Variants in MYCBP2 observed in about 807,000 individuals in gnomAD.
MYCBP2 encodes the protein MYC binding protein 2, also known as E3 ubiquitin-protein ligase MYCBP2.
Under a neutral mutation model 525.3 loss-of-function variants are expected in MYCBP2, and 120 were observed. The ratio of observed to expected loss-of-function variants is 0.23; its 90% CI spans 0.20 to 0.27. The LOEUF (loss-of-function observed/expected upper bound fraction) is 0.27. Ranked by LOEUF, MYCBP2 falls within the 10% of genes least tolerant of loss-of-function variation. The pLI, the probability that MYCBP2 is intolerant of heterozygous loss-of-function variation, is 1.00. For missense variants in MYCBP2, 4,149 were observed against 5,657.1 expected (o/e 0.73, Z 8.55); for synonymous variants, 1,894 against 1,955.8 (o/e 0.97, Z 0.83).
intron 59 of MYCBP2, among the ~76,000 whole-genome samples, chr13:77,092,859 C>A (rs1175762330): frequency 6.6e-6 from 1 of 152,128 alleles, no homozygotes; most frequent in African/African-American, 2.4e-5. Flanking sequence ...GATTTATTTT[C>A]AATGCCACTG....
chr13:77,107,061 A>G (rs929647024), intron 55 of MYCBP2, among the ~76,000 whole-genome samples: 1 of 152,178 alleles, frequency 6.6e-6, no homozygotes, highest in African/African-American at 2.4e-5. Flanking sequence ...CTAATTCTAT[A>G]GATCTGTCAC....
intron 1 of MYCBP2, among the ~76,000 whole-genome samples, chr13:77,321,101 T>A (rs948773558): frequency 6.6e-6 from 1 of 152,246 alleles, no homozygotes; most frequent in African/African-American, 2.4e-5. Flanking sequence ...TAAACCTCAA[T>A]TAACCTAACC....
Position 77,296,673 on chromosome 13 carries a change from T to C in MYCBP2, c.304A>G (p.Asn102Asp). 1.4e-6 allele frequency: 2 copies of C among 1,399,224 alleles called. No homozygotes were observed. The highest frequency in any genetic ancestry group is 1.9e-6 in the Non-Finnish European group (2 of 1,027,720). 86.7% of individuals were successfully genotyped at this position (1,399,224 alleles called of 1,614,324 possible). ...GGSAGHPASR[N>D]KKILNKKKLK... ...TTCTTCTTATTTAAAATTTTCTTATTCCTAAATATTAAAAGAAAAATGGGA... is the reference window on the plus strand; with the variant it reads ...TTCTTCTTATTTAAAATTTTCTTATCCCTAAATATTAAAAGAAAAATGGGA... The change falls in exon 2 of 83, where the codon AAT (asparagine) becomes GAT (aspartate). Residue 102 changes from asparagine (N) to aspartate (D), a missense_variant and splice_region_variant. Asn to Asp is a conservative substitution (Grantham distance 23). Coordinates refer to ENST00000544440, the MANE Select transcript of MYCBP2 (RefSeq NM_015057.5).
In MYCBP2 at chr13:77,059,636, A is replaced by T. The variant is rs1388192905; in HGVS notation, c.13037-10T>A. ...CTCGTGGTGGGTTTGCCTAGGTTCA[A>T]GCAGAAAAATAAAAATCCTTCTTAT... On this transcript the variant is annotated splice_polypyrimidine_tract_variant and intron_variant, in intron 76 of 82. Coordinates refer to ENST00000544440, the MANE Select transcript of MYCBP2 (RefSeq NM_015057.5). 2 of 1,605,528 alleles carry T rather than the reference A, an allele frequency of 1.2e-6. No homozygotes were observed. The highest frequency in any genetic ancestry group is 8.5e-7 in the Non-Finnish European group (1 of 1,172,480).
At chr13:77,133,666 T>G (rs968244949) in intron 52 of MYCBP2, among the ~76,000 whole-genome samples, 7 of 152,210 alleles carry the variant, frequency 4.6e-5, no homozygotes, top group Non-Finnish European at 1.0e-4. Flanking sequence ...TTCTCCCCAG[T>G]ACATATCTGT....
At chr13:77,290,313 C>T (rs1476397253) in intron 2 of MYCBP2, among the ~76,000 whole-genome samples, 1 of 152,170 alleles carries the variant, frequency 6.6e-6, no homozygotes, top group East Asian at 1.9e-4. Context: ...CAATTTCCTA[C>T]AAAACTAAAT....
Position 77,045,287 on chromosome 13 carries a change from C to T in MYCBP2, c.*91G>A, listed in dbSNP as rs760198743. ...ATTTTCATGGATGTAAAAATGGTCC[C>T]GTCCTTATCCTGAGCAGAGTTTAAA... On this transcript the variant is annotated 3_prime_UTR_variant, in exon 83 of 83. Coordinates refer to ENST00000544440, the MANE Select transcript of MYCBP2 (RefSeq NM_015057.5). The T allele has an allele frequency of 4.4e-5, 34 of 776,920 alleles. No individual in the cohort carries two copies. Among genetic ancestry groups the T allele is most frequent in the South Asian group, 8.7e-5 (5 of 57,212 alleles). 48.1% of individuals were successfully genotyped at this position (776,920 alleles called of 1,614,324 possible). A position where few individuals can be genotyped will look rare whatever the true frequency, so the allele number is the denominator to read the frequency against.
chr13:77,284,007 T>C (rs1271893681), intron 3 of MYCBP2, among the ~76,000 whole-genome samples: 1 of 152,188 alleles, frequency 6.6e-6, no homozygotes, highest in Admixed American at 6.6e-5. Context: ...AAACTTAATG[T>C]AGAAGCATTC....
chr13:77,112,378 A>G (rs112907371), intron 55 of MYCBP2, among the ~76,000 whole-genome samples: 1 of 146,774 alleles, frequency 6.8e-6, no homozygotes, highest in Non-Finnish European at 1.5e-5. Flanking sequence ...TATAATATAT[A>G]ATATATATTT....
chr13:77,232,224 G>T (rs1374721179), intron 18 of MYCBP2, among the ~76,000 whole-genome samples: 5 of 151,990 alleles, frequency 3.3e-5, no homozygotes, highest in Non-Finnish European at 7.4e-5. Flanking sequence ...GCAAAAAAAA[G>T]AAAAGGATCC....
chr13:77,046,292 T>C (rs2035548296), intron 82 of MYCBP2, among the ~76,000 whole-genome samples: 1 of 152,232 alleles, frequency 6.6e-6, no homozygotes, highest in Non-Finnish European at 1.5e-5. Flanking sequence ...ACGCTAGGCT[T>C]ATACTTGAAA....
intron 15 of MYCBP2, among the ~76,000 whole-genome samples, chr13:77,250,583 T>C (rs1440411124): frequency 6.6e-6 from 1 of 152,230 alleles, no homozygotes; most frequent in Admixed American, 6.5e-5. Context: ...ATTCTTATTC[T>C]GCCAAACTTA....
chr13:77,294,740 A>T (rs7999924), intron 2 of MYCBP2, among the ~76,000 whole-genome samples: 4,574 of 152,282 alleles, frequency 0.03, 239 homozygotes, highest in African/African-American at 0.1. Flanking sequence ...AATGCGCTCC[A>T]CTTCCCTCCT....
chr13:77,275,710 G>A (rs149739688), intron 4 of MYCBP2, among the ~76,000 whole-genome samples: 362 of 152,250 alleles, frequency 2.4e-3, no homozygotes, highest in African/African-American at 8.6e-3. Flanking sequence ...TTGGCCAGGC[G>A]CAGTGGCTCA....
chr13:77,180,647 C>A (rs1041409972), intron 33 of MYCBP2, among the ~76,000 whole-genome samples: 1 of 152,028 alleles, frequency 6.6e-6, no homozygotes, highest in Non-Finnish European at 1.5e-5. Context: ...TTTGGCTGGG[C>A]GTGGTGTCAG....
At chr13:77,233,581 A>G (rs1372415466) in intron 17 of MYCBP2, among the ~76,000 whole-genome samples, 1 of 152,142 alleles carries the variant, frequency 6.6e-6, no homozygotes. Flanking sequence ...AAATTATCTT[A>G]CAAATACTTT....
intron 1 of MYCBP2, among the ~76,000 whole-genome samples, chr13:77,323,848 C>T (rs550647819): frequency 1.6e-3 from 241 of 152,234 alleles, no homozygotes; most frequent in African/African-American, 5.3e-3. Flanking sequence ...TCACCTCCAC[C>T]CCTTCTATAT....
At chr13:77,198,157 A>G (rs943962129) in intron 26 of MYCBP2, among the ~76,000 whole-genome samples, 5 of 152,240 alleles carry the variant, frequency 3.3e-5, no homozygotes, top group African/African-American at 1.2e-4. Context: ...ACCATTTTAA[A>G]GCAGTTGCAC....
At chr13:77,219,274 G>A (rs1238792875) in intron 20 of MYCBP2, among the ~76,000 whole-genome samples, 1 of 152,034 alleles carries the variant, frequency 6.6e-6, no homozygotes, top group African/African-American at 2.4e-5. Context: ...CATGCCAAAT[G>A]CTCTAAGGAG....
Sources: gnomAD v4.1 joint callset for allele counts (sites outside exome capture counted in the v4.1 genomes callset) on GRCh38, gnomAD v4.1.1 for gene constraint, MANE v1.5 for transcripts, NCBI Gene and HGNC (gene_info 2026-07-23, HGNC 2026-07-21) for gene names.